Variants in PREX1 observed in about 807,000 individuals in gnomAD.
The protein encoded by PREX1 is phosphatidylinositol 3,4,5-trisphosphate-dependent Rac exchanger 1 protein.
PREX1 carries 41 observed loss-of-function variants against 198.3 expected under a neutral mutation model. That is an observed-to-expected ratio of 0.21 (90% confidence interval 0.16 to 0.27). The LOEUF is 0.27. Ranked by LOEUF, PREX1 falls within the 10% of genes least tolerant of loss-of-function variation. The pLI is 1.00. For missense variants in PREX1, 1,620 were observed against 2,200.7 expected, an observed-to-expected ratio of 0.74 and a Z score of 5.28; for synonymous variants, 843 against 887.2, an observed-to-expected ratio of 0.95 and a Z score of 0.89.
chr20:48,753,090 T>C (rs2122804917), intron 1 of PREX1, among the ~76,000 whole-genome samples: 1 of 152,286 alleles, frequency 6.6e-6, no homozygotes. Context: ...CCAGAGAGAC[T>C]GTTTACTCAG....
chr20:48,817,964 T>C (rs2090465959), intron 1 of PREX1, among the ~76,000 whole-genome samples: 1 of 151,936 alleles, frequency 6.6e-6, no homozygotes, highest in South Asian at 2.1e-4. Context: ...GTGTGTTAGC[T>C]AGTGGGAAAA....
At chr20:48,823,871 A>G (rs1332150755) in intron 1 of PREX1, among the ~76,000 whole-genome samples, 1 of 152,208 alleles carries the variant, frequency 6.6e-6, no homozygotes, top group Non-Finnish European at 1.5e-5. Flanking sequence ...AATGCTGTCC[A>G]CCTGACCCAG....
intron 30 of PREX1, among the ~76,000 whole-genome samples, chr20:48,638,253 C>T (rs757569207): frequency 6.6e-6 from 1 of 152,164 alleles, no homozygotes; most frequent in African/African-American, 2.4e-5. Flanking sequence ...ACACCACACA[C>T]GTGCACTCAT....
chr20:48,869,495 AT>A, the PREX1 span, among the ~76,000 whole-genome samples: 3 of 151,420 alleles, frequency 2.0e-5, no homozygotes, highest in African/African-American at 7.4e-5. Context: ...ACCCACCCCC[AT>A]TTAGATTGTT....
chr20:48,641,846 GGAAGGAAGGA>G (rs2089414313), intron 29 of PREX1, among the ~76,000 whole-genome samples: 190 of 17,758 alleles, frequency 0.011, 2 homozygotes, highest in Non-Finnish European at 0.017. Context: ...GAGAGAGGAA[GGAAGGAAGGA>G]AGGAAGGAAG....
chr20:48,689,138 C>T (rs546050079), intron 9 of PREX1, among the ~76,000 whole-genome samples: 1 of 152,348 alleles, frequency 6.6e-6, no homozygotes, highest in South Asian at 2.1e-4. Flanking sequence ...GCCTCCCCAA[C>T]CTGAGGGTGG....
chr20:48,751,975 A>T (rs7274977), intron 1 of PREX1, among the ~76,000 whole-genome samples: 1 of 151,974 alleles, frequency 6.6e-6, no homozygotes, highest in Non-Finnish European at 1.5e-5. Context: ...CAACAAGTCT[A>T]GGGGAGGCAC....
At chr20:48,846,637 T>A in the PREX1 span, among the ~76,000 whole-genome samples, 1 of 152,134 alleles carries the variant, frequency 6.6e-6, no homozygotes, top group East Asian at 1.9e-4. Flanking sequence ...TTGTAGACGC[T>A]CCCTGGACCC....
chr20:48,627,707 A>G, intron 38 of PREX1, 92 bp from the exon 39 acceptor site: 1 of 1,467,250 alleles, frequency 6.8e-7, no homozygotes, highest in Non-Finnish European at 9.5e-7. Flanking sequence ...CAGAAGCCCA[A>G]GGACCCAGAA....
the PREX1 span, among the ~76,000 whole-genome samples, chr20:48,837,128 C>G: frequency 1.3e-5 from 2 of 152,088 alleles, no homozygotes; most frequent in African/African-American, 2.4e-5. Context: ...GAGATATCAT[C>G]TCACACTAAT....
intron 2 of PREX1, 55 bp downstream of exon 2, chr20:48,747,754 A>C (rs2090115713): frequency 6.5e-7 from 1 of 1,537,652 alleles, no homozygotes; most frequent in South Asian, 1.1e-5. Context: ...CGGGAAGAGC[A>C]AGGCACAAAG....
Position 48,684,260 on chromosome 20 carries a change from A to C in PREX1, c.1335-2925T>G, listed in dbSNP as rs549038651. Among the ~76,000 whole-genome samples, 2 of 152,236 alleles carry C rather than the reference A, an allele frequency of 1.3e-5. No individual in the cohort carries two copies. Among genetic ancestry groups the C allele is most frequent in the Non-Finnish European group, 2.9e-5 (2 of 67,990 alleles). On this transcript the variant is annotated intron_variant, in intron 10 of 39. Transcript: ENST00000371941. This position sits in a 1 kb window ranked among gnomAD's most constrained non-coding sequence, Gnocchi z 4.2. ...AGCCGCCTGAGCTCAGGCCCAAGGT[A>C]CCACTTATGACCCAACACAAGAATC...
chr20:48,855,450 C>T, the PREX1 span, among the ~76,000 whole-genome samples: 1 of 152,120 alleles, frequency 6.6e-6, no homozygotes, highest in African/African-American at 2.4e-5. Context: ...CTTCCACTTC[C>T]ACATCCCTGG....
intron 33 of PREX1, among the ~76,000 whole-genome samples, chr20:48,633,285 C>T (rs1435078628): frequency 6.6e-6 from 1 of 152,198 alleles, no homozygotes; most frequent in African/African-American, 2.4e-5. Context: ...AGGAGAGACA[C>T]TGTCCCCAAG....
intron 1 of PREX1, among the ~76,000 whole-genome samples, chr20:48,816,703 C>T (rs116975907): frequency 1.3e-5 from 2 of 152,160 alleles, no homozygotes; most frequent in Non-Finnish European, 2.9e-5. Context: ...ATGGGGACCC[C>T]GGCTCCACAA....
chr20:48,802,346 C>T (rs1047468271), intron 1 of PREX1, among the ~76,000 whole-genome samples: 1 of 152,160 alleles, frequency 6.6e-6, no homozygotes, highest in African/African-American at 2.4e-5. Context: ...CTTCTCCCAC[C>T]CATTCTCCCC....
chr20:48,811,632 A>C (rs1052549054), intron 1 of PREX1, among the ~76,000 whole-genome samples: 8 of 109,570 alleles, frequency 7.3e-5, no homozygotes, highest in East Asian at 2.1e-4. Context: ...ACCCCCCCAC[A>C]CACACACACA....
At chr20:48,706,189 A>G (rs2089901890) in intron 6 of PREX1, among the ~76,000 whole-genome samples, 1 of 152,208 alleles carries the variant, frequency 6.6e-6, no homozygotes, top group African/African-American at 2.4e-5. Flanking sequence ...CCATTTGCCT[A>G]GGCCCTTACC....
At chr20:48,853,943 G>A in the PREX1 span, among the ~76,000 whole-genome samples, 13 of 152,204 alleles carry the variant, frequency 8.5e-5, no homozygotes, top group Non-Finnish European at 1.6e-4. Context: ...GGATGGGTGA[G>A]CCAGATGGGG....
Sources: allele counts gnomAD v4.1 joint callset (sites outside exome capture counted in the v4.1 genomes callset), GRCh38; gene constraint gnomAD v4.1.1; non-coding constraint Gnocchi (gnomAD v3.1); transcripts MANE v1.5; gene names NCBI Gene and HGNC (gene_info 2026-07-23, HGNC 2026-07-21).